ATG10: variants seen among roughly 807,000 people sequenced by gnomAD.
ATG10 encodes autophagy related 10.
A neutral mutation model predicts 32.1 loss-of-function variants in ATG10; 30 were observed. That is an observed-to-expected ratio of 0.94 (90% confidence interval 0.70 to 1.27). The LOEUF is 1.27. Among genes scored for constraint, ATG10 ranks in the 50% most tolerant of loss-of-function variants. The pLI, the probability that ATG10 is intolerant of heterozygous loss-of-function variation, is 0.00. For synonymous variants in ATG10, 87 were observed against 91.5 expected (o/e 0.95, Z 0.28); for missense variants, 233 against 262.3 (o/e 0.89, Z 0.77).
At chr5:82,183,081 C>T (rs1006458006) in intron 5 of ATG10, among the ~76,000 whole-genome samples, 4 of 151,680 alleles carry the variant, frequency 2.6e-5, no homozygotes, top group Non-Finnish European at 5.9e-5. Flanking sequence ...CATGAATCTA[C>T]AACTATCTCA....
In ATG10 at chr5:82,016,935, G is replaced by A. The variant is rs572842984; in HGVS notation, c.108+29257G>A. Among the ~76,000 whole-genome samples, 40 of 152,062 alleles carry A rather than the reference G, an allele frequency of 2.6e-4. 1 individual carries two copies. In the South Asian group the frequency reaches 3.5e-3, roughly 13 times the overall value. ...TCGAGCTCCTGACCTCGTGATCCGC[G>A]CACCTTAGCCTCCCACAGTGCCTGG... is the stretch of plus-strand genomic sequence containing the variant. On this transcript the variant is annotated intron_variant, in intron 2 of 7. Coordinates refer to ENST00000282185, the MANE Select transcript of ATG10 (RefSeq NM_031482.5).
intron 3 of ATG10, among the ~76,000 whole-genome samples, chr5:82,091,945 CTA>C (rs1264297997): frequency 3.3e-5 from 5 of 152,264 alleles, no homozygotes; most frequent in African/African-American, 1.2e-4. Context: ...AATAATAAGA[CTA>C]TTTCCACATC....
At position 81,987,617 on chromosome 5, in the gene ATG10, G is replaced by A. The variant is rs1761325428; in HGVS notation, c.47G>A (p.Cys16Tyr). Residue 16 changes from cysteine to tyrosine, a missense_variant, in exon 2 of 8, where the codon TGT becomes TAT. Coordinates refer to ENST00000282185, the MANE Select transcript of ATG10 (RefSeq NM_031482.5). ...GGAGAAAAAACATTCCAACGTTATT[G>A]TGCAGAATTCATTAAACATTCACAA... is the stretch of plus-strand genomic sequence containing the variant. ...FIGEKTFQRY[C>Y]AEFIKHSQQI... The A allele has an allele frequency of 6.2e-7, 1 of 1,613,020 alleles. No homozygotes were observed. The highest frequency in any genetic ancestry group is 8.5e-7 in the Non-Finnish European group (1 of 1,179,736).
chr5:82,085,179 A>C (rs1488099920), intron 3 of ATG10, among the ~76,000 whole-genome samples: 5 of 152,148 alleles, frequency 3.3e-5, no homozygotes, highest in African/African-American at 1.2e-4. Flanking sequence ...AGGGGTTGCA[A>C]TCCTAGTCTC....
chr5:82,023,459 A>G (rs1475087557), intron 2 of ATG10, among the ~76,000 whole-genome samples: 1 of 152,242 alleles, frequency 6.6e-6, no homozygotes, highest in Non-Finnish European at 1.5e-5. Flanking sequence ...GATTTAATAT[A>G]TTAGTTTAGT....
At chr5:82,075,984 CTT>C (rs1764261907) in intron 3 of ATG10, among the ~76,000 whole-genome samples, 1 of 152,046 alleles carries the variant, frequency 6.6e-6, no homozygotes, top group Non-Finnish European at 1.5e-5. Flanking sequence ...AACAAAAAGT[CTT>C]TATAGATTGT....
At chr5:82,188,740 T>TA (rs1285778845) in intron 5 of ATG10, among the ~76,000 whole-genome samples, 3 of 151,974 alleles carry the variant, frequency 2.0e-5, no homozygotes, top group Admixed American at 2.0e-4. Context: ...CTGCTACACT[T>TA]ACCCGTGTAT....
chr5:81,993,579 C>G (rs1178673838), intron 2 of ATG10, among the ~76,000 whole-genome samples: 2 of 150,862 alleles, frequency 1.3e-5, no homozygotes, highest in African/African-American at 2.4e-5. Flanking sequence ...AGGTGCGCAC[C>G]ACCAGTCCTG....
At chr5:81,987,887 A>AAG (rs1761337319) in intron 2 of ATG10, among the ~76,000 whole-genome samples, 1 of 152,208 alleles carries the variant, frequency 6.6e-6, no homozygotes, top group Non-Finnish European at 1.5e-5. Context: ...AGGCTAATGA[A>AAG]GTATTATTTT....
At chr5:82,240,630 A>G (rs1581840815) in intron 5 of ATG10, among the ~76,000 whole-genome samples, 1 of 152,300 alleles carries the variant, frequency 6.6e-6, no homozygotes, top group East Asian at 1.9e-4. Flanking sequence ...AATTTATTGG[A>G]TAGTTCAAAA....
At chr5:82,049,758 A>C (rs1056142769) in intron 2 of ATG10, among the ~76,000 whole-genome samples, 7 of 152,138 alleles carry the variant, frequency 4.6e-5, no homozygotes, top group African/African-American at 9.6e-5. Context: ...GAGTGAGTTC[A>C]AAAAGGTAAG....
At position 81,975,574 on chromosome 5, in the gene ATG10, C is replaced by G. The variant is rs532987762; in HGVS notation, c.-13+3268C>G. Among the ~76,000 whole-genome samples the G allele has an allele frequency of 6.9e-4, 105 of 152,052 alleles. 2 individuals are homozygous for G. The highest frequency in any genetic ancestry group is 6.8e-3 in the South Asian group (33 of 4,824). ...GTGCACACATGTGGTCCCAGCTACT[C>G]AAGAGGCTGAGGCGGGAGGATTGCT... On this transcript the variant is annotated intron_variant, in intron 1 of 7. Transcript: ENST00000282185.
intron 3 of ATG10, among the ~76,000 whole-genome samples, chr5:82,105,395 A>T (rs1765416207): frequency 2.6e-5 from 4 of 152,102 alleles, no homozygotes; most frequent in Admixed American, 2.6e-4. Context: ...GGAATAGAGC[A>T]TTTGATAATT....
chr5:82,094,669 C>G (rs1004625987), intron 3 of ATG10, among the ~76,000 whole-genome samples: 1 of 151,930 alleles, frequency 6.6e-6, no homozygotes, highest in African/African-American at 2.4e-5. Context: ...CAGGAAATAA[C>G]TTGAATGTCA....
intron 3 of ATG10, among the ~76,000 whole-genome samples, chr5:82,069,932 G>A (rs1177765357): frequency 6.6e-6 from 1 of 152,088 alleles, no homozygotes; most frequent in Non-Finnish European, 1.5e-5. Flanking sequence ...GTTTTTGATT[G>A]CATAAATGTG....
chr5:81,989,805 T>C (rs1761404299), intron 2 of ATG10, among the ~76,000 whole-genome samples: 1 of 152,024 alleles, frequency 6.6e-6, no homozygotes, highest in African/African-American at 2.4e-5. Context: ...GATTTCACCA[T>C]GGTCTCGATC....
rs565147640 is a variant in ATG10, at chr5:82,048,286, T to G, written c.109-10209T>G. ...ATTGGTAGCTTGATGGGGATGGTAT[T>G]GAATCTGTAAATTACCTTGGGCAGT... On this transcript the variant is annotated intron_variant, in intron 2 of 7. Coordinates refer to ENST00000282185, the MANE Select transcript of ATG10 (RefSeq NM_031482.5). Among the ~76,000 whole-genome samples the G allele has an allele frequency of 2.1e-5, 3 of 143,068 alleles. No individual in the cohort carries two copies. The East Asian group carries it at 5.9e-4, about 28-fold the overall frequency. The allele number at this position is 143,068 out of a possible 152,430, so 93.9% of individuals were successfully genotyped here. A position where few individuals can be genotyped will look rare whatever the true frequency, so the allele number is the denominator to read the frequency against.
chr5:81,994,565 A>G (rs913441561), intron 2 of ATG10, among the ~76,000 whole-genome samples: 8 of 152,206 alleles, frequency 5.3e-5, no homozygotes, highest in African/African-American at 1.7e-4. Flanking sequence ...CCAAGTGCAG[A>G]GATTGTGGAT....
Position 82,104,171 on chromosome 5 carries a change from C to T in ATG10, c.216+45569C>T, listed in dbSNP as rs145597688. ...GAACATTCTTATATATCTTTTTTGG[C>T]GAACATCTGTACATATTTCTCTTGT... On this transcript the variant is annotated intron_variant, in intron 3 of 7. Coordinates refer to ENST00000282185, the MANE Select transcript of ATG10 (RefSeq NM_031482.5). Among the ~76,000 whole-genome samples the T allele has an allele frequency of 1.8e-3, 279 of 152,016 alleles. 8 individuals are homozygous for T. Among genetic ancestry groups the T allele is most frequent in the Non-Finnish European group, 3.2e-4 (22 of 67,974 alleles).
Sources: allele counts gnomAD v4.1 joint callset (sites outside exome capture counted in the v4.1 genomes callset), GRCh38; gene constraint gnomAD v4.1.1; transcripts MANE v1.5; gene names NCBI Gene and HGNC (gene_info 2026-07-23, HGNC 2026-07-21).